MAP4: variants seen among roughly 807,000 people sequenced by gnomAD.
MAP4 encodes microtubule-associated protein 4.
A neutral mutation model predicts 170.2 loss-of-function variants in MAP4; 76 were observed. The observed-to-expected ratio is 0.45, with a 90% CI of 0.37 to 0.54. The LOEUF (loss-of-function observed/expected upper bound fraction) is 0.54, where lower values mean the gene tolerates loss of function less well. Ranked by LOEUF, MAP4 falls within the 20% of genes least tolerant of loss-of-function variation. The probability of loss-of-function intolerance (pLI) is 0.00; values close to 1 mark genes in which losing one functional copy is unlikely to be tolerated. For synonymous variants in MAP4, 909 were observed against 994.5 expected (o/e 0.91, Z 1.62); for missense variants, 2,506 against 2,748.0 (o/e 0.91, Z 1.97).
intron 3 of MAP4, among the ~76,000 whole-genome samples, chr3:47,935,957 AT>A (rs72406532): frequency 0.036 from 5,382 of 147,620 alleles, 311 homozygotes; most frequent in African/African-American, 0.13. Flanking sequence ...AAAAAAAAAA[AT>A]ATTAGGAATA....
At chr3:47,932,928 A>G (rs368329303) in intron 3 of MAP4, among the ~76,000 whole-genome samples, 1 of 152,016 alleles carries the variant, frequency 6.6e-6, no homozygotes, top group South Asian at 2.1e-4. Context: ...TTTTTGAGAC[A>G]GTCCTGCTCT....
At chr3:48,066,909 C>A (rs1040990941) in intron 1 of MAP4, among the ~76,000 whole-genome samples, 3 of 125,982 alleles carry the variant, frequency 2.4e-5, no homozygotes, top group African/African-American at 8.9e-5. Flanking sequence ...GGTACGATCT[C>A]GGCTCACTGC....
At chr3:47,862,346 C>CAAAAAAAA (rs57751818) in intron 17 of MAP4, among the ~76,000 whole-genome samples, 3 of 52,354 alleles carry the variant, frequency 5.7e-5, no homozygotes, top group Non-Finnish European at 8.8e-5. Flanking sequence ...GACTGTGTCT[C>CAAAAAAAA]AAAAAAAAAA....
intron 10 of MAP4, among the ~76,000 whole-genome samples, chr3:47,888,438 C>T (rs920354933): frequency 2.5e-4 from 38 of 152,152 alleles, no homozygotes; most frequent in African/African-American, 8.4e-4. Flanking sequence ...AGTGAGACCA[C>T]AAACCCACCG....
intron 1 of MAP4, among the ~76,000 whole-genome samples, chr3:48,004,951 TCTC>T (rs2100101375): frequency 6.6e-6 from 1 of 152,108 alleles, no homozygotes; most frequent in South Asian, 2.1e-4. Context: ...TAATGTTGAT[TCTC>T]CTTAGAAGGT....
At chr3:48,032,156 T>C (rs1179919945) in intron 1 of MAP4, among the ~76,000 whole-genome samples, 1 of 152,070 alleles carries the variant, frequency 6.6e-6, no homozygotes, top group Non-Finnish European at 1.5e-5. Context: ...GAAAGCTAAG[T>C]ATGATAACTA....
intron 9 of MAP4, among the ~76,000 whole-genome samples, chr3:47,903,261 C>T (rs925813964): frequency 2.6e-5 from 4 of 152,122 alleles, no homozygotes; most frequent in Middle Eastern, 3.2e-3. Context: ...TGGCCAGGTG[C>T]GGTGGCTCAC....
chr3:47,865,785 C>T (rs1357221591), intron 17 of MAP4, among the ~76,000 whole-genome samples: 6 of 152,234 alleles, frequency 3.9e-5, no homozygotes, highest in Non-Finnish European at 8.8e-5. Flanking sequence ...AGGGGCTGTA[C>T]ATGGCGGCTT....
intron 2 of MAP4, among the ~76,000 whole-genome samples, chr3:47,989,507 TTATC>T (rs1267574284): frequency 3.3e-5 from 5 of 152,194 alleles, no homozygotes; most frequent in African/African-American, 9.7e-5. Flanking sequence ...AACTGTAAAT[TTATC>T]TATCAACCAC....
chr3:47,859,895 C>T (rs573251392), intron 17 of MAP4, among the ~76,000 whole-genome samples: 1 of 152,344 alleles, frequency 6.6e-6, no homozygotes, highest in South Asian at 2.1e-4. Flanking sequence ...GTGCTGATGA[C>T]ACCACTGTAA....
chr3:47,917,068 A>C lies in MAP4; in HGVS notation c.759T>G (p.Ser253=), dbSNP rs749068805. Residue 253 remains serine (S), a synonymous_variant, in exon 7 of 21, where the codon TCT becomes TCG. Transcript: ENST00000683076. ...MGLKTTDMAP[S]KETEMALAKD... is the part of the protein sequence containing the mutation. The stretch of plus-strand genomic sequence containing the variant: ...TGGCGAGGGCCATCTCTGTTTCTTT[A>C]GATGGTGCCATGTCAGTAGTCTTCA... 23 of 1,614,028 alleles carry C rather than the reference A, an allele frequency of 1.4e-5. No individual in the cohort carries two copies. Among genetic ancestry groups the C allele is most frequent in the Non-Finnish European group, 1.9e-5 (22 of 1,180,028 alleles).
intron 2 of MAP4, among the ~76,000 whole-genome samples, chr3:47,995,621 C>T (rs138583061): frequency 6.6e-6 from 1 of 152,122 alleles, no homozygotes; most frequent in Non-Finnish European, 1.5e-5. Flanking sequence ...GTCTGCCCCC[C>T]CTCCCCAACA....
At chr3:48,037,904 C>T (rs945319235) in intron 1 of MAP4, among the ~76,000 whole-genome samples, 3 of 152,054 alleles carry the variant, frequency 2.0e-5, no homozygotes, top group Non-Finnish European at 4.4e-5. Context: ...CAGTGGCTCA[C>T]GCCTGTAATC....
At chr3:47,904,357 C>G (rs971853777) in intron 9 of MAP4, among the ~76,000 whole-genome samples, 16 of 151,992 alleles carry the variant, frequency 1.1e-4, no homozygotes, top group Admixed American at 5.2e-4. Flanking sequence ...ACTCTGTCTC[C>G]CAGGCTGGAG....
intron 1 of MAP4, among the ~76,000 whole-genome samples, chr3:48,077,397 G>A (rs1223020064): frequency 6.7e-6 from 1 of 149,542 alleles, no homozygotes; most frequent in Non-Finnish European, 1.5e-5. Context: ...CATGAGCTGA[G>A]ATCGTGCCAT....
chr3:48,061,732 C>CT (rs2100135492), intron 1 of MAP4, among the ~76,000 whole-genome samples: 1 of 146,690 alleles, frequency 6.8e-6, no homozygotes. Context: ...CCGGCAGCCG[C>CT]CCAGTCCGGG....
chr3:47,985,718 CAA>C (rs936237846), intron 2 of MAP4, among the ~76,000 whole-genome samples: 1 of 151,872 alleles, frequency 6.6e-6, no homozygotes, highest in African/African-American at 2.4e-5. Flanking sequence ...TCATGAAAGA[CAA>C]AGAAGAGTTG....
Position 47,998,722 on chromosome 3 carries a change from A to C in MAP4, c.139T>G (p.Tyr47Asp). ...VVGETVGKTDYIPLLDVDEKT... is the reference protein window; with the variant it reads ...VVGETVGKTDDIPLLDVDEKT... ...TCATCAACATCCAGGAGAGGAATATAGTCTGTTTTTCCAACAGTTTCTCCC... is the reference window on the plus strand; with the variant it reads ...TCATCAACATCCAGGAGAGGAATATCGTCTGTTTTTCCAACAGTTTCTCCC... The change falls in exon 2 of 21, where the codon TAT (tyrosine) becomes GAT (aspartate). Residue 47 changes from tyrosine to aspartate, a missense_variant. Tyr to Asp is a radical substitution (Grantham distance 160). This residue lies in a region of MAP4 where 2,008 missense variants were observed against 2,206.0 expected (regional missense o/e 0.91). Transcript: ENST00000683076. 1 of 1,614,160 alleles carries C rather than the reference A, an allele frequency of 6.2e-7. No homozygotes were observed. The highest frequency in any genetic ancestry group is 8.5e-7 in the Non-Finnish European group (1 of 1,180,002).
chr3:48,072,236 G>A (rs746072669), intron 1 of MAP4, among the ~76,000 whole-genome samples: 2 of 151,600 alleles, frequency 1.3e-5, no homozygotes, highest in Non-Finnish European at 2.9e-5. Context: ...GGCCAGGCAC[G>A]CTGGCTCATG....
Sources: gnomAD v4.1 joint callset for allele counts (sites outside exome capture counted in the v4.1 genomes callset) on GRCh38, gnomAD v4.1.1 for gene constraint, gnomAD v4.1.1 regional missense constraint, MANE v1.5 for transcripts, NCBI Gene and HGNC (gene_info 2026-07-23, HGNC 2026-07-21) for gene names.